DCC: variants seen among roughly 807,000 people sequenced by gnomAD.
DCC encodes netrin receptor DCC.
DCC carries 58 observed loss-of-function variants against 172.5 expected under a neutral mutation model. That is an observed-to-expected ratio of 0.34 (90% CI 0.27 to 0.42). The LOEUF is 0.42. Ranked by LOEUF, DCC falls within the 10% of genes least tolerant of loss-of-function variation. DCC has a pLI of 1.00. For missense variants in DCC, 1,740 were observed against 1,791.0 expected (o/e 0.97, Z 0.51); for synonymous variants, 709 against 644.5 (o/e 1.10, Z -1.52).
intron 12 of DCC, among the ~76,000 whole-genome samples, chr18:53,280,636 T>G (rs947873675): frequency 6.6e-6 from 1 of 152,218 alleles, no homozygotes; most frequent in East Asian, 1.9e-4. Flanking sequence ...TTCTCTGGTA[T>G]GAAATATTTT....
intron 2 of DCC, among the ~76,000 whole-genome samples, chr18:52,771,175 C>T (rs1270698144): frequency 6.6e-6 from 1 of 152,200 alleles, no homozygotes; most frequent in Admixed American, 6.5e-5. Context: ...AGCATTAGAG[C>T]TGGTGCTTGA....
chr18:52,537,678 G>A (rs757517807), intron 1 of DCC, among the ~76,000 whole-genome samples: 13 of 152,094 alleles, frequency 8.5e-5, no homozygotes, highest in African/African-American at 2.7e-4. Context: ...CGAATGAAAG[G>A]AAATAACACA....
intron 5 of DCC, among the ~76,000 whole-genome samples, chr18:52,928,474 A>G (rs940973126): frequency 6.6e-6 from 1 of 152,208 alleles, no homozygotes; most frequent in Non-Finnish European, 1.5e-5. Context: ...TTAACGTAAT[A>G]TAATACAGTT....
At chr18:53,298,050 G>A (rs556197150) in intron 12 of DCC, among the ~76,000 whole-genome samples, 1 of 152,222 alleles carries the variant, frequency 6.6e-6, no homozygotes, top group South Asian at 2.1e-4. Flanking sequence ...TTAAGGTATT[G>A]GCTATGTGGG....
At chr18:52,807,110 G>A (rs767316708) in intron 2 of DCC, among the ~76,000 whole-genome samples, 1 of 152,176 alleles carries the variant, frequency 6.6e-6, no homozygotes, top group East Asian at 1.9e-4. Flanking sequence ...CAGGAGAATC[G>A]CTTGAGCGCG....
At chr18:53,144,914 C>T (rs1336579741) in intron 7 of DCC, among the ~76,000 whole-genome samples, 1 of 151,918 alleles carries the variant, frequency 6.6e-6, no homozygotes, top group African/African-American at 2.4e-5. Context: ...ATAATAAGGT[C>T]ATATCATCAA....
intron 22 of DCC, among the ~76,000 whole-genome samples, chr18:53,443,683 G>A (rs767579067): frequency 1.3e-5 from 2 of 152,178 alleles, no homozygotes; most frequent in Non-Finnish European, 1.5e-5. Context: ...AATTGAAAAC[G>A]TTTTGGAAAG....
chr18:53,063,186 G>T (rs1052683893), intron 5 of DCC, 119 bp from the exon 6 acceptor site: 10 of 979,592 alleles, frequency 1.0e-5, no homozygotes, highest in East Asian at 2.4e-5. Context: ...CTTAGGGAAT[G>T]ATTTGAATTA....
intron 21 of DCC, among the ~76,000 whole-genome samples, chr18:53,431,467 G>T (rs1197927411): frequency 2.4e-4 from 31 of 128,036 alleles, no homozygotes; most frequent in African/African-American, 6.7e-4. Context: ...AGTACACTTT[G>T]TTTTTTGTTG....
intron 5 of DCC, among the ~76,000 whole-genome samples, chr18:53,041,194 G>A (rs1317508600): frequency 6.6e-6 from 1 of 152,064 alleles, no homozygotes; most frequent in Non-Finnish European, 1.5e-5. Context: ...TTTTGTATAA[G>A]ATGTAAGGAA....
intron 5 of DCC, among the ~76,000 whole-genome samples, chr18:53,045,394 T>A (rs914146595): frequency 6.6e-6 from 1 of 151,818 alleles, no homozygotes; most frequent in South Asian, 2.1e-4. Flanking sequence ...GAGGAAGAAG[T>A]GTTTCCTTGA....
At chr18:53,162,515 A>G (rs1247449963) in intron 8 of DCC, among the ~76,000 whole-genome samples, 1 of 152,118 alleles carries the variant, frequency 6.6e-6, no homozygotes, top group East Asian at 1.9e-4. Context: ...TTTCTCATTC[A>G]CAGAATTAAC....
intron 2 of DCC, among the ~76,000 whole-genome samples, chr18:52,825,845 C>T (rs1477950816): frequency 6.6e-6 from 1 of 152,076 alleles, no homozygotes; most frequent in Non-Finnish European, 1.5e-5. Context: ...TCTAATGTGA[C>T]ATATGGTTGG....
intron 5 of DCC, among the ~76,000 whole-genome samples, chr18:52,984,840 T>C (rs2041267079): frequency 6.6e-6 from 1 of 152,122 alleles, no homozygotes; most frequent in Non-Finnish European, 1.5e-5. Flanking sequence ...GTCAAATAGA[T>C]TATCTACTTT....
chr18:52,443,621 T>C (rs535071387), intron 1 of DCC, among the ~76,000 whole-genome samples: 1 of 152,230 alleles, frequency 6.6e-6, no homozygotes, highest in East Asian at 1.9e-4. Context: ...AAAAATCATG[T>C]CTTGATCAAG....
rs779171722 is a variant in DCC at position 52,644,809 on chromosome 18, AAGGGAGGG to A, written c.92-107223_92-107216del. ...GAAAGAAGGAAAGAAGGAAGGAAGG[AAGGGAGGG>A]AGGGAGGGAGGGAGGGAGGGAAGGA... On this transcript the variant is annotated intron_variant, in intron 1 of 28. Transcript: ENST00000442544. 9.8e-3 allele frequency among the ~76,000 whole-genome samples: 1,023 copies of A among 104,040 alleles called. 19 individuals carry two copies. Among genetic ancestry groups the A allele is most frequent in the South Asian group, 0.074 (178 of 2,398 alleles). 68.3% of individuals were successfully genotyped at this position (104,040 alleles called of 152,430 possible).
intron 2 of DCC, among the ~76,000 whole-genome samples, chr18:52,793,639 G>A (rs936840790): frequency 3.3e-5 from 5 of 152,070 alleles, no homozygotes; most frequent in Non-Finnish European, 5.9e-5. Flanking sequence ...AAGCTTTTTA[G>A]CTTAATGTAG....
intron 21 of DCC, among the ~76,000 whole-genome samples, chr18:53,430,736 C>G (rs964458162): frequency 1.3e-5 from 2 of 152,008 alleles, no homozygotes; most frequent in Admixed American, 6.6e-5. Flanking sequence ...TACAAAGCAT[C>G]CTAGCTAGCA....
At chr18:53,148,142 A>G (rs1402994780) in intron 7 of DCC, among the ~76,000 whole-genome samples, 1 of 152,232 alleles carries the variant, frequency 6.6e-6, no homozygotes, top group Non-Finnish European at 1.5e-5. Flanking sequence ...GTAGTGTCTC[A>G]TAACCAAAGG....
Sources: gnomAD v4.1 joint callset for allele counts (sites outside exome capture counted in the v4.1 genomes callset) on GRCh38, gnomAD v4.1.1 for gene constraint, MANE v1.5 for transcripts, NCBI Gene and HGNC (gene_info 2026-07-23, HGNC 2026-07-21) for gene names.